The following ARHGAP15 variants were observed in gnomAD, a reference collection of about 807,000 sequenced individuals.
ARHGAP15 encodes the protein Rho GTPase activating protein 15.
ARHGAP15 carries 51 observed loss-of-function variants against 63.7 expected under a neutral mutation model. That is an observed-to-expected ratio of 0.80 (90% confidence interval 0.64 to 1.01). ARHGAP15 has a LOEUF of 1.01. ARHGAP15 is among the 50% of genes least tolerant of loss of function. The probability of loss-of-function intolerance (pLI) is 0.00; values close to 1 mark genes in which losing one functional copy is unlikely to be tolerated. For missense variants in ARHGAP15, 560 were observed against 564.6 expected (o/e 0.99, Z 0.08); for synonymous variants, 191 against 193.8 (o/e 0.99, Z 0.12).
chr2:143,178,255 T>C (rs1691085273), intron 2 of ARHGAP15, among the ~76,000 whole-genome samples: 1 of 152,214 alleles, frequency 6.6e-6, no homozygotes, highest in South Asian at 2.1e-4. Context: ...GCAGAGACTA[T>C]ATATTATTTT....
At chr2:143,419,599 AAT>A in intron 6 of ARHGAP15, among the ~76,000 whole-genome samples, 1 of 147,946 alleles carries the variant, frequency 6.8e-6, no homozygotes, top group Admixed American at 6.7e-5. Context: ...TAAAAAAAAT[AAT>A]AAGATACGAT....
intron 13 of ARHGAP15, chr2:143,766,597 T>C (rs373496546): frequency 6.6e-6 from 1 of 152,190 alleles, no homozygotes; most frequent in Non-Finnish European, 1.5e-5. Context: ...ATGATTTATG[T>C]TAAGAATGAA....
chr2:143,309,855 C>T (rs1231482224), intron 6 of ARHGAP15, among the ~76,000 whole-genome samples: 1 of 136,312 alleles, frequency 7.3e-6, no homozygotes, highest in East Asian at 2.0e-4. Flanking sequence ...GAAACACAGA[C>T]ATATATGAAC....
intron 12 of ARHGAP15, among the ~76,000 whole-genome samples, chr2:143,700,600 A>G (rs1354907582): frequency 1.3e-5 from 2 of 152,100 alleles, no homozygotes; most frequent in African/African-American, 4.8e-5. Context: ...TGCACCTAGT[A>G]GTTCACCAGA....
At chr2:143,206,886 G>C (rs942713418) in intron 3 of ARHGAP15, among the ~76,000 whole-genome samples, 1 of 151,926 alleles carries the variant, frequency 6.6e-6, no homozygotes, top group Non-Finnish European at 1.5e-5. Flanking sequence ...CATGGCAAAA[G>C]TTAGGCTGAA....
intron 13 of ARHGAP15, among the ~76,000 whole-genome samples, chr2:143,747,222 G>A (rs1248897010): frequency 1.3e-5 from 2 of 151,656 alleles, no homozygotes; most frequent in African/African-American, 4.8e-5. Flanking sequence ...CGCTCAGCAC[G>A]TGTATTCATG....
At chr2:143,436,126 A>C (rs1347489057) in intron 7 of ARHGAP15, among the ~76,000 whole-genome samples, 1 of 152,146 alleles carries the variant, frequency 6.6e-6, no homozygotes, top group Non-Finnish European at 1.5e-5. Flanking sequence ...TTATTCTTCC[A>C]GCTAAGCTAG....
At chr2:143,194,719 C>T (rs958405005) in intron 2 of ARHGAP15, among the ~76,000 whole-genome samples, 7 of 151,428 alleles carry the variant, frequency 4.6e-5, no homozygotes, top group African/African-American at 1.2e-4. Context: ...CAGAGAGAAA[C>T]GATCTAGCGA....
chr2:143,152,313 G>A (rs1689859111), intron 1 of ARHGAP15, among the ~76,000 whole-genome samples: 1 of 151,888 alleles, frequency 6.6e-6, no homozygotes, highest in Non-Finnish European at 1.5e-5. Context: ...CCAGGTATCT[G>A]CACACCTTTG....
intron 2 of ARHGAP15, among the ~76,000 whole-genome samples, chr2:143,201,183 T>C (rs1158594113): frequency 6.6e-6 from 1 of 151,284 alleles, no homozygotes; most frequent in Non-Finnish European, 1.5e-5. Flanking sequence ...GATCATAGCT[T>C]ACTGCAGCCT....
At chr2:143,527,578 C>G (rs1185305346) in intron 10 of ARHGAP15, among the ~76,000 whole-genome samples, 1 of 151,842 alleles carries the variant, frequency 6.6e-6, no homozygotes, top group Non-Finnish European at 1.5e-5. Context: ...TGGAAGAATT[C>G]TTGAGGTTAT....
chr2:143,381,409 T>A (rs1366218798), intron 6 of ARHGAP15, among the ~76,000 whole-genome samples: 1 of 152,166 alleles, frequency 6.6e-6, no homozygotes, highest in Non-Finnish European at 1.5e-5. Flanking sequence ...GCTTTTGCAG[T>A]TGGCACTGAT....
rs139958570 is a variant in ARHGAP15, at chr2:143,644,688, C to T, written c.1138+20421C>T. On this transcript the variant is annotated intron_variant, in intron 12 of 13. Transcript: ENST00000295095. Reference sequence around the variant, plus strand: ...AGTCAGAAGTTGACAGTGATCAGAACGCAAGTTCGGCCAGATCAATGATAC... The same window carrying T: ...AGTCAGAAGTTGACAGTGATCAGAATGCAAGTTCGGCCAGATCAATGATAC... 5.0e-3 allele frequency among the ~76,000 whole-genome samples: 760 copies of T among 152,192 alleles called. 6 individuals are homozygous for T. The highest frequency in any genetic ancestry group is 0.022 in the South Asian group (107 of 4,826).
At chr2:143,537,782 C>A (rs906474667) in intron 10 of ARHGAP15, among the ~76,000 whole-genome samples, 1 of 152,070 alleles carries the variant, frequency 6.6e-6, no homozygotes, top group African/African-American at 2.4e-5. Context: ...GTTACTGTAG[C>A]CTTGTAGTGT....
chr2:143,494,864 G>C (rs1245360915), intron 9 of ARHGAP15, among the ~76,000 whole-genome samples: 2 of 152,098 alleles, frequency 1.3e-5, no homozygotes, highest in Admixed American at 6.5e-5. Context: ...ATATTCTCTT[G>C]ATAAACTGAA....
At position 143,661,475 on chromosome 2, in the gene ARHGAP15, G is replaced by T. The variant is rs1379021912; in HGVS notation, c.1138+37208G>T. 1.3e-5 allele frequency among the ~76,000 whole-genome samples: 2 copies of T among 152,006 alleles called. 1 individual carries two copies. On this transcript the variant is annotated intron_variant, in intron 12 of 13. Coordinates refer to ENST00000295095, the MANE Select transcript of ARHGAP15 (RefSeq NM_018460.4). ...GAAGGAATAAATGAGAGAGACAAGG[G>T]TACAAAAAAAGTATGTCTTCTTAAG...
intron 13 of ARHGAP15, among the ~76,000 whole-genome samples, chr2:143,739,615 G>A (rs902590032): frequency 6.6e-6 from 1 of 152,144 alleles, no homozygotes; most frequent in Non-Finnish European, 1.5e-5. Flanking sequence ...ATATTTTCTT[G>A]AGGTATTTCT....
At chr2:143,424,239 C>T (rs1039845852) in intron 6 of ARHGAP15, among the ~76,000 whole-genome samples, 3 of 152,038 alleles carry the variant, frequency 2.0e-5, no homozygotes, top group African/African-American at 7.2e-5. Flanking sequence ...TGTCAGTCAA[C>T]TTAGGAGTTT....
chr2:143,317,077 C>T (rs1683755286), intron 6 of ARHGAP15, among the ~76,000 whole-genome samples: 1 of 152,026 alleles, frequency 6.6e-6, no homozygotes, highest in Non-Finnish European at 1.5e-5. Context: ...CTGCATTTTC[C>T]TTTAGGGTCC....
Sources: gnomAD v4.1 joint callset for allele counts (sites outside exome capture counted in the v4.1 genomes callset) on GRCh38, gnomAD v4.1.1 for gene constraint, MANE v1.5 for transcripts, NCBI Gene and HGNC (gene_info 2026-07-23, HGNC 2026-07-21) for gene names.